CSMD1: variants seen among roughly 807,000 people sequenced by gnomAD.
CSMD1 encodes the protein CUB and sushi domain-containing protein 1.
Under a neutral mutation model 417.5 loss-of-function variants are expected in CSMD1, and 213 were observed. The observed-to-expected ratio is 0.51, with a 90% confidence interval of 0.46 to 0.57. The LOEUF is 0.57. CSMD1 is among the 20% of genes least tolerant of loss of function. The probability of loss-of-function intolerance (pLI) is 0.00; values close to 1 mark genes in which losing one functional copy is unlikely to be tolerated. For missense variants in CSMD1, 6,923 were observed against 4,529.7 expected (o/e 1.53, Z -15.17); for synonymous variants, 2,862 against 1,736.8 (o/e 1.65, Z -16.11).
chr8:3,219,650 G>A (rs1475158532), intron 28 of CSMD1, among the ~76,000 whole-genome samples: 1 of 152,066 alleles, frequency 6.6e-6, no homozygotes, highest in South Asian at 2.1e-4. Context: ...AATACTATTT[G>A]CCTAATTACC....
intron 52 of CSMD1, among the ~76,000 whole-genome samples, chr8:3,000,688 T>A (rs1307827393): frequency 6.6e-6 from 1 of 152,138 alleles, no homozygotes; most frequent in Non-Finnish European, 1.5e-5. Flanking sequence ...TGGAATCAGT[T>A]GAAAAGAGAA....
rs1459624719 is a variant in CSMD1 at position 4,245,102 on chromosome 8, C to CA, written c.415+174850dup. Among the ~76,000 whole-genome samples, 3 of 152,146 alleles carry CA rather than the reference C, an allele frequency of 2.0e-5. No individual in the cohort carries two copies. In the East Asian group the frequency reaches 5.8e-4, roughly 29 times the overall value. On this transcript the variant is annotated intron_variant, in intron 3 of 69. Transcript: ENST00000635120. ...CCTGTCTGGAATGAATAACGACCCT[C>CA]AAGATTTTCAATATTCACTTCACAC...
intron 5 of CSMD1, among the ~76,000 whole-genome samples, chr8:3,793,827 T>A (rs900388913): frequency 1.3e-5 from 2 of 152,138 alleles, no homozygotes; most frequent in Non-Finnish European, 2.9e-5. Context: ...AATGTCAGGA[T>A]CTGCATACAA....
chr8:4,637,254 C>G, intron 2 of CSMD1, 88 bp downstream of exon 2: 1 of 1,202,142 alleles, frequency 8.3e-7, no homozygotes. Flanking sequence ...ACTCCGGACA[C>G]AATAATAAAA....
At chr8:4,008,994 G>T (rs1211545207) in intron 4 of CSMD1, among the ~76,000 whole-genome samples, 5 of 152,042 alleles carry the variant, frequency 3.3e-5, no homozygotes, top group Admixed American at 6.6e-5. Flanking sequence ...TCAGTGGGTA[G>T]GTTTTGTGCC....
Position 3,906,376 on chromosome 8 carries a change from G to C in CSMD1, c.818+91527C>G, listed in dbSNP as rs1808111963. The stretch of plus-strand genomic sequence containing the variant: ...CCTGAGTCACCTATAGTATGGTCTA[G>C]AAATATCCTGTGAAAAATGTAATCT... On this transcript the variant is annotated intron_variant, in intron 5 of 69. Transcript: ENST00000635120. Among the ~76,000 whole-genome samples, 6 of 152,070 alleles carry C rather than the reference G, an allele frequency of 3.9e-5. 1 individual carries two copies. In the South Asian group the frequency reaches 8.3e-4, roughly 21 times the overall value.
At chr8:4,436,897 T>G (rs755417386) in intron 2 of CSMD1, among the ~76,000 whole-genome samples, 1 of 152,304 alleles carries the variant, frequency 6.6e-6, no homozygotes, top group African/African-American at 2.4e-5. Context: ...AAGAACCACA[T>G]TTTCTTTATC....
chr8:4,594,532 C>G (rs754751558), intron 2 of CSMD1, among the ~76,000 whole-genome samples: 1 of 152,034 alleles, frequency 6.6e-6, no homozygotes, highest in Non-Finnish European at 1.5e-5. Context: ...AGGTCACATT[C>G]TGAGTTATTG....
chr8:4,171,421 T>C (rs1797757730), intron 3 of CSMD1, among the ~76,000 whole-genome samples: 1 of 151,942 alleles, frequency 6.6e-6, no homozygotes, highest in African/African-American at 2.4e-5. Flanking sequence ...TTAATTACTT[T>C]GTAATACAAT....
At chr8:4,607,802 T>C (rs1204514688) in intron 2 of CSMD1, among the ~76,000 whole-genome samples, 3 of 152,188 alleles carry the variant, frequency 2.0e-5, no homozygotes, top group Non-Finnish European at 4.4e-5. Flanking sequence ...TTCTTGAGTG[T>C]GTACTTTTCC....
chr8:2,985,810 T>C (rs1343939494), intron 54 of CSMD1, among the ~76,000 whole-genome samples: 3 of 152,000 alleles, frequency 2.0e-5, no homozygotes, highest in Non-Finnish European at 2.9e-5. Flanking sequence ...TCTGGTACTT[T>C]CAATTTATTC....
Position 4,410,657 on chromosome 8 carries a change from T to G in CSMD1, c.415+9296A>C, listed in dbSNP as rs184944474. 7.9e-4 allele frequency among the ~76,000 whole-genome samples: 120 copies of G among 152,220 alleles called. 1 individual carries two copies. The highest frequency in any genetic ancestry group is 1.2e-3 in the Non-Finnish European group (82 of 68,014). The stretch of plus-strand genomic sequence containing the variant: ...TATATGCATGTAAACATGGAGAAAT[T>G]TGCCCCTGACACAAGAGTATACTGG... On this transcript the variant is annotated intron_variant, in intron 3 of 69. Coordinates refer to ENST00000635120, the MANE Select transcript of CSMD1 (RefSeq NM_033225.6).
chr8:3,584,672 A>G (rs906904333), intron 9 of CSMD1, among the ~76,000 whole-genome samples: 1 of 152,244 alleles, frequency 6.6e-6, no homozygotes, highest in African/African-American at 2.4e-5. Flanking sequence ...AAGTTACTCT[A>G]AAATACTGAT....
chr8:4,575,499 T>TATCCTC (rs1312320607), intron 2 of CSMD1, among the ~76,000 whole-genome samples: 3 of 152,164 alleles, frequency 2.0e-5, no homozygotes, highest in Non-Finnish European at 2.9e-5. Flanking sequence ...ATAATGCAGG[T>TATCCTC]ATCCTCCAGA....
At chr8:4,729,316 G>A (rs985140264) in intron 1 of CSMD1, among the ~76,000 whole-genome samples, 3 of 152,142 alleles carry the variant, frequency 2.0e-5, no homozygotes, top group African/African-American at 7.2e-5. Flanking sequence ...TCCACACAAA[G>A]GTGTTTTGTT....
chr8:4,875,281 G>T (rs1227459971), intron 1 of CSMD1, among the ~76,000 whole-genome samples: 1 of 151,922 alleles, frequency 6.6e-6, no homozygotes, highest in East Asian at 1.9e-4. Context: ...TAATATACAA[G>T]CTCACTGATT....
intron 2 of CSMD1, among the ~76,000 whole-genome samples, chr8:4,610,928 G>C (rs961700500): frequency 1.6e-4 from 25 of 152,158 alleles, no homozygotes; most frequent in African/African-American, 6.0e-4. Flanking sequence ...ACATAACTAT[G>C]TTGGAAATCA....
intron 11 of CSMD1, among the ~76,000 whole-genome samples, chr8:3,471,461 C>CTG (rs1817093843): frequency 1.3e-5 from 2 of 152,106 alleles, no homozygotes; most frequent in African/African-American, 4.8e-5. Flanking sequence ...TTCTATATAT[C>CTG]AAGTTTGGAA....
intron 1 of CSMD1, among the ~76,000 whole-genome samples, chr8:4,652,060 G>A (rs954920164): frequency 6.6e-6 from 1 of 152,180 alleles, no homozygotes. Context: ...ATTGAGTCAG[G>A]AAGAACTTGA....
Sources: gnomAD v4.1 joint callset for allele counts (sites outside exome capture counted in the v4.1 genomes callset) on GRCh38, gnomAD v4.1.1 for gene constraint, MANE v1.5 for transcripts, NCBI Gene and HGNC (gene_info 2026-07-23, HGNC 2026-07-21) for gene names.